Variants in XKR9 observed in about 807,000 individuals in gnomAD.
The protein encoded by XKR9 is XK-related protein 9.
A neutral mutation model predicts 32.0 loss-of-function variants in XKR9; 32 were observed. The observed-to-expected ratio is 1.00, with a 90% confidence interval of 0.76 to 1.34. XKR9 has a LOEUF of 1.34. Ranked by LOEUF, XKR9 falls within the 40% of genes most tolerant of loss-of-function variation. The pLI, the probability that XKR9 is intolerant of heterozygous loss-of-function variation, is 0.00. For missense variants in XKR9, 546 were observed against 429.7 expected (o/e 1.27, Z -2.39); for synonymous variants, 168 against 143.4 (o/e 1.17, Z -1.22).
chr8:70,699,882 C>G (rs1167032326), intron 3 of XKR9, among the ~76,000 whole-genome samples: 1 of 152,132 alleles, frequency 6.6e-6, no homozygotes, highest in East Asian at 1.9e-4. Context: ...TTGTTCGTTT[C>G]TTTTTATTCT....
the XKR9 span, among the ~76,000 whole-genome samples, chr8:70,799,024 C>T: frequency 6.6e-6 from 1 of 152,092 alleles, no homozygotes; most frequent in Non-Finnish European, 1.5e-5. Context: ...ATTGCCTTGG[C>T]TGTTCAAGCT....
intron 2 of XKR9, among the ~76,000 whole-genome samples, chr8:70,762,319 T>C (rs1807319984): frequency 1.3e-5 from 2 of 152,250 alleles, no homozygotes; most frequent in South Asian, 4.2e-4. Flanking sequence ...TAACTTCTGT[T>C]CCAGGAGTCA....
the XKR9 span, among the ~76,000 whole-genome samples, chr8:70,993,729 G>C: frequency 1.3e-5 from 2 of 150,190 alleles, no homozygotes; most frequent in Non-Finnish European, 2.9e-5. Context: ...GTAGCTGGTG[G>C]TAAAACTTTC....
the XKR9 span, among the ~76,000 whole-genome samples, chr8:70,800,813 C>T: frequency 6.6e-6 from 1 of 151,918 alleles, no homozygotes; most frequent in East Asian, 1.9e-4. Flanking sequence ...GGTTGGTAAG[C>T]TTTTTATACT....
At chr8:71,048,493 C>T in the XKR9 span, among the ~76,000 whole-genome samples, 1 of 151,990 alleles carries the variant, frequency 6.6e-6, no homozygotes, top group Non-Finnish European at 1.5e-5. Flanking sequence ...TATAAAATTG[C>T]CTTCTAATGG....
At chr8:71,009,745 A>G in the XKR9 span, among the ~76,000 whole-genome samples, 2 of 152,210 alleles carry the variant, frequency 1.3e-5, no homozygotes, top group African/African-American at 4.8e-5. Context: ...GACACTTCCC[A>G]TTCCCAGAAT....
the XKR9 span, among the ~76,000 whole-genome samples, chr8:70,853,308 AT>A: frequency 1.3e-5 from 2 of 152,024 alleles, no homozygotes; most frequent in Non-Finnish European, 2.9e-5. Flanking sequence ...GTAAAAAAAA[AT>A]AGTTAGAAAA....
At chr8:70,683,792 A>C (rs1280310577) in intron 3 of XKR9, among the ~76,000 whole-genome samples, 2 of 152,118 alleles carry the variant, frequency 1.3e-5, no homozygotes, top group African/African-American at 4.8e-5. Flanking sequence ...TCGGCCCTAG[A>C]ATTACTTTAC....
the XKR9 span, among the ~76,000 whole-genome samples, chr8:70,877,849 C>T: frequency 6.6e-6 from 1 of 152,210 alleles, no homozygotes; most frequent in Admixed American, 6.5e-5. Flanking sequence ...CAACCCAAGA[C>T]ATAATTGTCA....
chr8:70,965,308 T>C, the XKR9 span, among the ~76,000 whole-genome samples: 74 of 152,334 alleles, frequency 4.9e-4, no homozygotes, highest in Non-Finnish European at 8.2e-4. Context: ...AGCTTTATCA[T>C]GGTGAATAAG....
chr8:70,867,591 A>G, the XKR9 span, among the ~76,000 whole-genome samples: 2 of 152,126 alleles, frequency 1.3e-5, no homozygotes, highest in Non-Finnish European at 2.9e-5. Flanking sequence ...AGCTGGGATT[A>G]CAGGCTTGCA....
chr8:70,778,515 T>A (rs1371581726), intron 2 of XKR9, among the ~76,000 whole-genome samples: 3 of 152,364 alleles, frequency 2.0e-5, no homozygotes, highest in Admixed American at 1.3e-4. Flanking sequence ...GGCAATAGCA[T>A]TGAATCTATA....
the XKR9 span, among the ~76,000 whole-genome samples, chr8:70,881,362 T>C: frequency 2.0e-5 from 3 of 152,074 alleles, no homozygotes; most frequent in Non-Finnish European, 4.4e-5. Context: ...ATTTTTCCAA[T>C]CTACCCATCT....
rs1807493627 is a variant in XKR9, at chr8:70,774,448, T to A, written n.353-14891T>A. On this transcript the variant is annotated intron_variant and non_coding_transcript_variant, in intron 2 of 3. Transcript: ENST00000520273. The stretch of plus-strand genomic sequence containing the variant: ...ACTAGCCACTGCACCTCGCTTCATT[T>A]GTGTTTTATTGGCCAAACCAAGTCA... Among the ~76,000 whole-genome samples the A allele has an allele frequency of 2.0e-5, 3 of 152,252 alleles. No individual in the cohort carries two copies. In the South Asian group the frequency reaches 6.2e-4, roughly 32 times the overall value.
At chr8:70,945,833 T>C in the XKR9 span, among the ~76,000 whole-genome samples, 1 of 152,164 alleles carries the variant, frequency 6.6e-6, no homozygotes, top group Admixed American at 6.5e-5. Flanking sequence ...ACAGACTTAC[T>C]ACCATTGAAA....
At chr8:70,782,855 T>C (rs2130255674) in intron 2 of XKR9, among the ~76,000 whole-genome samples, 1 of 152,340 alleles carries the variant, frequency 6.6e-6, no homozygotes, top group Middle Eastern at 3.4e-3. Flanking sequence ...TTCCATAACT[T>C]GGCTATTGTG....
the XKR9 span, among the ~76,000 whole-genome samples, chr8:71,060,309 G>A: frequency 6.6e-6 from 1 of 152,320 alleles, no homozygotes; most frequent in East Asian, 1.9e-4. Flanking sequence ...CTATCTGACA[G>A]AAGTCCTTGA....
chr8:70,963,058 A>C, the XKR9 span, among the ~76,000 whole-genome samples: 1 of 152,128 alleles, frequency 6.6e-6, no homozygotes, highest in Non-Finnish European at 1.5e-5. Context: ...TTTGCTGCAC[A>C]GATCAACCCA....
At chr8:70,701,647 G>A (rs1284316689) in intron 3 of XKR9, among the ~76,000 whole-genome samples, 1 of 152,134 alleles carries the variant, frequency 6.6e-6, no homozygotes, top group Non-Finnish European at 1.5e-5. Context: ...GGTTTGTCCA[G>A]GCTAAGTATT....
Sources: gnomAD v4.1 joint callset for allele counts (sites outside exome capture counted in the v4.1 genomes callset) on GRCh38, gnomAD v4.1.1 for gene constraint, MANE v1.5 for transcripts, NCBI Gene and HGNC (gene_info 2026-07-23, HGNC 2026-07-21) for gene names.